The following LRRC37A2 variants were observed in gnomAD, a reference collection of about 807,000 sequenced individuals.
The protein encoded by LRRC37A2 is leucine rich repeat containing 37 member A2, also known as leucine-rich repeat-containing protein 37A2.
A neutral mutation model predicts 68.8 loss-of-function variants in LRRC37A2; 9 were observed. That is an observed-to-expected ratio of 0.13 (90% CI 0.08 to 0.23). The LOEUF (loss-of-function observed/expected upper bound fraction) is 0.23, where lower values mean the gene tolerates loss of function less well. Among genes scored for constraint, LRRC37A2 ranks in the 10% least tolerant of loss-of-function variants. LRRC37A2 has a pLI of 1.00. For synonymous variants in LRRC37A2, 63 were observed against 367.6 expected (o/e 0.17, Z 9.48); for missense variants, 168 against 950.4 (o/e 0.18, Z 10.82).
the LRRC37A2 span, among the ~76,000 whole-genome samples, chr17:46,786,304 C>T: frequency 3.9e-5 from 6 of 152,080 alleles, no homozygotes; most frequent in African/African-American, 1.2e-4. Flanking sequence ...GGTCCTGCAC[C>T]CCTGGCCTGC....
chr17:46,905,165 G>A, the LRRC37A2 span, among the ~76,000 whole-genome samples: 11 of 151,682 alleles, frequency 7.3e-5, no homozygotes, highest in Non-Finnish European at 1.5e-4. Flanking sequence ...TCTGCCTCCC[G>A]GGTTCAAGCG....
chr17:46,884,003 G>A, the LRRC37A2 span, among the ~76,000 whole-genome samples: 1 of 151,876 alleles, frequency 6.6e-6, no homozygotes, highest in Non-Finnish European at 1.5e-5. Context: ...CTGCCCCACC[G>A]TCCTCCCGCC....
At chr17:47,019,642 C>T in the LRRC37A2 span, 2 of 1,421,632 alleles carry the variant, frequency 1.4e-6, no homozygotes, top group East Asian at 4.5e-5. Flanking sequence ...AAGGCTTTAA[C>T]TGCACCAGAG....
chr17:46,914,512 G>A, the LRRC37A2 span, among the ~76,000 whole-genome samples: 9 of 151,852 alleles, frequency 5.9e-5, no homozygotes, highest in East Asian at 3.9e-4. Flanking sequence ...TTAGCCAGGC[G>A]TAGTGGTGCA....
chr17:46,500,714 T>C, the LRRC37A2 span, among the ~76,000 whole-genome samples: 3 of 151,226 alleles, frequency 2.0e-5, no homozygotes, highest in African/African-American at 2.5e-5. Flanking sequence ...TTTTTTCCAA[T>C]ATCTTCATGA....
the LRRC37A2 span, among the ~76,000 whole-genome samples, chr17:46,847,973 T>A: frequency 8.9e-6 from 1 of 111,884 alleles, no homozygotes; most frequent in East Asian, 3.5e-4. Flanking sequence ...CCAAAGTGTG[T>A]GTGTGTGTGT....
chr17:46,961,374 C>CA, the LRRC37A2 span, among the ~76,000 whole-genome samples: 7 of 152,072 alleles, frequency 4.6e-5, no homozygotes, highest in African/African-American at 7.2e-5. Context: ...CCCATCTCTA[C>CA]AAAAAACAAA....
the LRRC37A2 span, among the ~76,000 whole-genome samples, chr17:46,856,630 T>G: frequency 6.6e-6 from 1 of 151,954 alleles, no homozygotes; most frequent in Non-Finnish European, 1.5e-5. Context: ...ATGACAAGTG[T>G]GCGCCACCAT....
chr17:46,876,932 C>T, the LRRC37A2 span: 1 of 1,336,412 alleles, frequency 7.5e-7, no homozygotes, highest in South Asian at 2.5e-5. Context: ...CCTCCCTTAA[C>T]CCAAGCATCC....
chr17:46,539,768 C>CAAAAAAAAAAAAAAA (rs1204528686), intron 6 of LRRC37A2, among the ~76,000 whole-genome samples: 10 of 67,024 alleles, frequency 1.5e-4, no homozygotes, highest in Non-Finnish European at 1.9e-4. Flanking sequence ...GACTCCATCT[C>CAAAAAAAAAAAAAAA]AAAAAAAAAA....
At chr17:46,721,722 C>T in the LRRC37A2 span, 1 of 1,606,608 alleles carries the variant, frequency 6.2e-7, no homozygotes, top group Non-Finnish European at 8.5e-7. Flanking sequence ...CGGCTGCTAT[C>T]TAGTTTGACG....
the LRRC37A2 span, among the ~76,000 whole-genome samples, chr17:46,927,213 T>TA: frequency 2.6e-3 from 389 of 152,152 alleles, 3 homozygotes; most frequent in African/African-American, 7.9e-3. Flanking sequence ...TTTTTTCATT[T>TA]AAAAAAAATG....
At chr17:46,997,817 A>G in the LRRC37A2 span, among the ~76,000 whole-genome samples, 1 of 152,128 alleles carries the variant, frequency 6.6e-6, no homozygotes, top group African/African-American at 2.4e-5. Context: ...GAAAAATACA[A>G]AAATTTGCCG....
chr17:46,978,273 G>C, the LRRC37A2 span: 1 of 274,004 alleles, frequency 3.6e-6, no homozygotes, highest in South Asian at 7.4e-5. Context: ...CACTCGCACC[G>C]TGTTCCGAAC....
At chr17:46,797,297 C>T in the LRRC37A2 span, among the ~76,000 whole-genome samples, 1 of 152,170 alleles carries the variant, frequency 6.6e-6, no homozygotes, top group Non-Finnish European at 1.5e-5. Context: ...AAAAGCTGTT[C>T]CAAAAACCTG....
the LRRC37A2 span, chr17:47,010,628 C>G: frequency 6.6e-6 from 1 of 152,256 alleles, no homozygotes; most frequent in African/African-American, 2.4e-5. Flanking sequence ...TTCTTTAGAA[C>G]ATGGAGAGCT....
chr17:46,897,703 T>C, the LRRC37A2 span, among the ~76,000 whole-genome samples: 1 of 152,156 alleles, frequency 6.6e-6, no homozygotes, highest in African/African-American at 2.4e-5. Context: ...TTGCCTAGGC[T>C]GGTCTCGAAT....
the LRRC37A2 span, among the ~76,000 whole-genome samples, chr17:47,014,175 A>C: frequency 6.6e-6 from 1 of 152,104 alleles, no homozygotes; most frequent in East Asian, 1.9e-4. Flanking sequence ...GCGGATCATG[A>C]GGTCAGGAGT....
At chr17:46,923,212 A>G in the LRRC37A2 span, 3 of 1,550,542 alleles carry the variant, frequency 1.9e-6, no homozygotes, top group East Asian at 7.3e-5. Flanking sequence ...CTGTTCCAGC[A>G]AACGCACAAG....
Sources: gnomAD v4.1 joint callset for allele counts (sites outside exome capture counted in the v4.1 genomes callset) on GRCh38, gnomAD v4.1.1 for gene constraint, MANE v1.5 for transcripts, NCBI Gene and HGNC (gene_info 2026-07-23, HGNC 2026-07-21) for gene names.